The following TNRC6A variants were observed in gnomAD, a reference collection of about 807,000 sequenced individuals.
TNRC6A encodes the protein trinucleotide repeat containing adaptor 6A.
Under a neutral mutation model 221.2 loss-of-function variants are expected in TNRC6A, and 44 were observed. The observed-to-expected ratio is 0.20, with a 90% CI of 0.16 to 0.26. The LOEUF is 0.26. Ranked by LOEUF, TNRC6A falls within the 10% of genes least tolerant of loss-of-function variation. The pLI is 1.00. For synonymous variants in TNRC6A, 847 were observed against 838.5 expected, an observed-to-expected ratio of 1.01 and a Z score of -0.18; for missense variants, 2,199 against 2,404.4, an observed-to-expected ratio of 0.91 and a Z score of 1.79.
chr16:24,777,578 G>T (rs1217790673), intron 5 of TNRC6A, among the ~76,000 whole-genome samples: 5 of 152,032 alleles, frequency 3.3e-5, no homozygotes, highest in African/African-American at 4.8e-5. Context: ...CTCCCTTCAG[G>T]TTCTGCCCAT....
intron 2 of TNRC6A, among the ~76,000 whole-genome samples, chr16:24,655,504 C>G (rs1377125413): frequency 6.6e-6 from 1 of 152,074 alleles, no homozygotes; most frequent in Non-Finnish European, 1.5e-5. Flanking sequence ...TCCTGGCCAA[C>G]ATGGTGAAAC....
At chr16:24,762,756 C>T (rs1260033976) in intron 4 of TNRC6A, among the ~76,000 whole-genome samples, 6 of 152,172 alleles carry the variant, frequency 3.9e-5, no homozygotes, top group Admixed American at 6.6e-5. Context: ...ATGCAGCTAA[C>T]GAATGCCTGA....
intron 2 of TNRC6A, among the ~76,000 whole-genome samples, chr16:24,722,089 T>C (rs2151094104): frequency 6.6e-6 from 1 of 152,302 alleles, no homozygotes; most frequent in South Asian, 2.1e-4. Context: ...TGGTAGTCGC[T>C]ACATGGGCAT....
chr16:24,618,864 A>G (rs1301979453), intron 1 of TNRC6A, among the ~76,000 whole-genome samples: 1 of 151,946 alleles, frequency 6.6e-6, no homozygotes, highest in East Asian at 1.9e-4. Context: ...TCCGGGCCTC[A>G]AGTGATCCAC....
At chr16:24,716,438 G>T (rs560634582) in intron 2 of TNRC6A, among the ~76,000 whole-genome samples, 1 of 152,302 alleles carries the variant, frequency 6.6e-6, no homozygotes, top group South Asian at 2.1e-4. Flanking sequence ...GGAGTCCAAG[G>T]CGGGTAGATT....
intron 18 of TNRC6A, among the ~76,000 whole-genome samples, chr16:24,810,510 A>G (rs2058520875): frequency 6.6e-6 from 1 of 152,226 alleles, no homozygotes; most frequent in African/African-American, 2.4e-5. Context: ...CCTTAGGAGC[A>G]TTGAGTCAGG....
intron 2 of TNRC6A, among the ~76,000 whole-genome samples, chr16:24,715,363 C>G (rs1262209544): frequency 6.6e-6 from 1 of 152,126 alleles, no homozygotes. Context: ...GCATGAGCCA[C>G]CATACCTGGC....
chr16:24,806,451 T>C (rs2058433890), intron 16 of TNRC6A, 123 bp from the exon 17 acceptor site: 1 of 1,367,772 alleles, frequency 7.3e-7, no homozygotes, highest in Non-Finnish European at 1.0e-6. Flanking sequence ...ATGTGAACAT[T>C]ATACAGTGAT....
intron 2 of TNRC6A, among the ~76,000 whole-genome samples, chr16:24,642,540 G>A (rs757822012): frequency 3.9e-4 from 60 of 152,250 alleles, no homozygotes; most frequent in Admixed American, 1.9e-3. Flanking sequence ...GAATCAGGCC[G>A]AGCGCAGTGG....
intron 2 of TNRC6A, among the ~76,000 whole-genome samples, chr16:24,643,125 A>AAT (rs1455058492): frequency 2.9e-4 from 11 of 38,030 alleles, no homozygotes; most frequent in Non-Finnish European, 3.2e-4. Flanking sequence ...ATATATATAA[A>AAT]ATATATATAT....
rs148384882 is a variant in TNRC6A at position 24,790,414 on chromosome 16, G to A, written c.1772G>A (p.Gly591Asp). The A allele has an allele frequency of 4.1e-5, 66 of 1,614,214 alleles. No homozygotes were observed. Among genetic ancestry groups the A allele is most frequent in the Middle Eastern group, 3.3e-4 (2 of 6,062 alleles). Reference protein sequence around the residue: ...SQSTSWGSGNGANSGGSRRGW... With the variant: ...SQSTSWGSGNDANSGGSRRGW... ...AGTACATCATGGGGAAGTGGAAATG[G>A]CGCAAATTCTGGAGGAAGTCGAAGA... The change falls in exon 6 of 25, where the codon GGC becomes GAC. Residue 591 changes from glycine (G) to aspartate (D), a missense_variant. Coordinates refer to ENST00000395799, the MANE Select transcript of TNRC6A (RefSeq NM_014494.4).
At chr16:24,646,140 G>A (rs56343605) in intron 2 of TNRC6A, among the ~76,000 whole-genome samples, 1 of 151,964 alleles carries the variant, frequency 6.6e-6, no homozygotes. Context: ...CTAGGTCACA[G>A]GTTTTTCTTT....
At chr16:24,626,740 C>G (rs1243685910) in intron 1 of TNRC6A, among the ~76,000 whole-genome samples, 1 of 150,406 alleles carries the variant, frequency 6.6e-6, no homozygotes, top group East Asian at 1.9e-4. Flanking sequence ...AGCTCCGCCT[C>G]CCGGGTTCAC....
chr16:24,738,154 A>G (rs2056812057), intron 2 of TNRC6A, among the ~76,000 whole-genome samples: 1 of 152,190 alleles, frequency 6.6e-6, no homozygotes, highest in African/African-American at 2.4e-5. Flanking sequence ...CTCTGGAATT[A>G]AAGCCCAGAC....
Position 24,809,386 on chromosome 16 carries a change from A to G in TNRC6A, c.4577A>G (p.Asn1526Ser). ...NSNLNVNMDM[N>S]SIKEPQSRLR... is the part of the protein sequence containing the mutation. The stretch of plus-strand genomic sequence containing the variant: ...AACTTGAATGTAAATATGGATATGA[A>G]CAGTATTAAAGAGCCACAGTCAAGA... Residue 1526 changes from asparagine to serine, a missense_variant, in exon 18 of 25, where the codon AAC (asparagine) becomes AGC (serine). By Grantham distance (46) the Asn-to-Ser change is conservative (BLOSUM62 1). Coordinates refer to ENST00000395799, the MANE Select transcript of TNRC6A (RefSeq NM_014494.4). The G allele has an allele frequency of 6.3e-7, 1 of 1,583,154 alleles. No homozygotes were observed. Among genetic ancestry groups the G allele is most frequent in the Non-Finnish European group, 8.6e-7 (1 of 1,161,574 alleles).
At chr16:24,774,790 A>G (rs1190442667) in intron 4 of TNRC6A, among the ~76,000 whole-genome samples, 2 of 152,176 alleles carry the variant, frequency 1.3e-5, no homozygotes, top group South Asian at 2.1e-4. Flanking sequence ...GGGACCCCCA[A>G]CAGATACCAG....
At chr16:24,687,843 G>GGAAGAAGAAGAA (rs758957416) in intron 2 of TNRC6A, among the ~76,000 whole-genome samples, 7,456 of 101,764 alleles carry the variant, frequency 0.073, 642 homozygotes, top group Admixed American at 0.12. Context: ...AAGAGGAAGA[G>GGAAGAAGAAGAA]GAAGAAGAAG....
intron 2 of TNRC6A, among the ~76,000 whole-genome samples, chr16:24,723,292 T>C (rs1383734010): frequency 6.6e-6 from 1 of 152,004 alleles, no homozygotes; most frequent in Non-Finnish European, 1.5e-5. Context: ...GGGAGATGTG[T>C]GCTATTAAGA....
intron 2 of TNRC6A, among the ~76,000 whole-genome samples, chr16:24,644,081 A>AT (rs748251760): frequency 0.22 from 17,261 of 79,922 alleles, 2,633 homozygotes; most frequent in Non-Finnish European, 0.27. Context: ...CTTATCTTTA[A>AT]TTTTTTTTTT....
Sources: gnomAD v4.1 joint callset for allele counts (sites outside exome capture counted in the v4.1 genomes callset) on GRCh38, gnomAD v4.1.1 for gene constraint, MANE v1.5 for transcripts, NCBI Gene and HGNC (gene_info 2026-07-23, HGNC 2026-07-21) for gene names.